Variants in COQ7 observed in about 807,000 individuals in gnomAD.
The protein encoded by COQ7 is NADPH-dependent 3-demethoxyubiquinone 3-hydroxylase, mitochondrial.
In COQ7, 21 loss-of-function variants were observed where a neutral mutation model predicts 25.0. The observed-to-expected ratio is 0.84, with a 90% CI of 0.60 to 1.21. The LOEUF is 1.21. Among genes scored for constraint, COQ7 ranks in the 50% most tolerant of loss-of-function variants. The pLI is 0.00. For missense variants in COQ7, 311 were observed against 296.2 expected (o/e 1.05, Z -0.37); for synonymous variants, 125 against 112.4 (o/e 1.11, Z -0.71).
Position 19,071,957 on chromosome 16 carries a change from C to G in COQ7, c.103C>G (p.Arg35Gly). 6.2e-7 allele frequency: 1 copy of G among 1,614,204 alleles called. No individual in the cohort carries two copies. The highest frequency in any genetic ancestry group is 8.5e-7 in the Non-Finnish European group (1 of 1,180,042). The stretch of plus-strand genomic sequence containing the variant: ...TGGAAGAAGAACCAGTGTCAGATTT[C>G]GCAGTTCAGGAATGACTTTAGACAA... ...AYGRRTSVRF[R>G]SSGMTLDNIS... is the part of the protein sequence containing the mutation. Residue 35 changes from arginine to glycine, a missense_variant, in exon 2 of 6, where the codon CGC becomes GGC. Transcript: ENST00000321998.
downstream of COQ7, among the ~76,000 whole-genome samples, chr16:19,082,022 A>C (rs190105310): frequency 7.5e-4 from 114 of 151,398 alleles, no homozygotes; most frequent in East Asian, 0.011. Context: ...ACTCCATCCC[A>C]AAAAAAAAGA....
chr16:19,070,497 C>G (rs1962499188), intron 1 of COQ7, among the ~76,000 whole-genome samples: 1 of 152,100 alleles, frequency 6.6e-6, no homozygotes, highest in East Asian at 1.9e-4. Flanking sequence ...CTTTGGGAAG[C>G]CAAGGTGGGA....
chr16:19,075,984 C>A, intron 4 of COQ7, 124 bp downstream of exon 4: 2 of 1,307,158 alleles, frequency 1.5e-6, no homozygotes, highest in Non-Finnish European at 1.1e-6. Context: ...CAGGTCAGTG[C>A]CTCAGTTTAA....
At position 19,067,645 on chromosome 16, in the gene COQ7, T is replaced by G. The variant is rs562636549; in HGVS notation, c.-20T>G. 54 of 1,613,478 alleles carry G rather than the reference T, an allele frequency of 3.3e-5. No individual in the cohort carries two copies. Among genetic ancestry groups the G allele is most frequent in the Non-Finnish European group, 4.6e-5 (54 of 1,179,672 alleles). ...GGCCAGTTCCGTTCAACGAAGTGGTTGCTTTTTTTAGTTCCGGCAATGAGT... is the reference window on the plus strand; with the variant it reads ...GGCCAGTTCCGTTCAACGAAGTGGTGGCTTTTTTTAGTTCCGGCAATGAGT... On this transcript the variant is annotated 5_prime_UTR_variant, in exon 1 of 6. Coordinates refer to ENST00000321998, the MANE Select transcript of COQ7 (RefSeq NM_016138.5).
chr16:19,071,937 G>T lies in COQ7; in HGVS notation c.83G>T (p.Arg28Ile). The change falls in exon 2 of 6, where the codon AGA (arginine) becomes ATA (isoleucine). Residue 28 changes from arginine to isoleucine, a missense_variant. Physicochemically the swap from Arg to Ile is moderately conservative, Grantham distance 97. Coordinates refer to ENST00000321998, the MANE Select transcript of COQ7 (RefSeq NM_016138.5). ...GARRSLSAYGRRTSVRFRSSG... is the reference protein window; with the variant it reads ...GARRSLSAYGIRTSVRFRSSG... ...AACACTTGCATTTCAGCTTATGGAA[G>T]AAGAACCAGTGTCAGATTTCGCAGT... The T allele has an allele frequency of 6.2e-7, 1 of 1,614,208 alleles. No individual in the cohort carries two copies. Among genetic ancestry groups the T allele is most frequent in the South Asian group, 1.1e-5 (1 of 91,090 alleles).
At position 19,075,937 on chromosome 16, in the gene COQ7, T is replaced by G. The variant is rs750004517; in HGVS notation, c.507+77T>G. The G allele has an allele frequency of 2.5e-6, 4 of 1,578,216 alleles. No homozygotes were observed. In the African/African-American group the frequency reaches 5.4e-5, roughly 21 times the overall value. On this transcript the variant is annotated intron_variant, in intron 4 of 5. Coordinates refer to ENST00000321998, the MANE Select transcript of COQ7 (RefSeq NM_016138.5). ...AGCAATTGGGTAAGAGGAAAACATG[T>G]TAGAGATTGTTAGGGGATGATGGGG...
At chr16:19,081,130 T>A (rs1963091236), downstream of COQ7, among the ~76,000 whole-genome samples, 1 of 152,214 alleles carries the variant, frequency 6.6e-6, no homozygotes, top group African/African-American at 2.4e-5. Flanking sequence ...AAAACTTTTA[T>A]TTTGAGCTAT....
chr16:19,072,091 C>T lies in COQ7; in HGVS notation c.237C>T (p.Val79=), dbSNP rs778887469. The change falls in exon 2 of 6, where the codon GTC becomes GTT. Residue 79 remains valine, a synonymous_variant. Transcript: ENST00000321998. ...GQMAVLGRTS[V]GPVIQKMWDQ... is the part of the protein sequence containing the mutation. The stretch of plus-strand genomic sequence containing the variant: ...TGGCTGTCCTGGGTCGGACCAGCGT[C>T]GGGCCAGTCATTCAGGTGGGTGCTT... The T allele has an allele frequency of 1.9e-6, 3 of 1,614,094 alleles. No homozygotes were observed. The highest frequency in any genetic ancestry group is 2.5e-6 in the Non-Finnish European group (3 of 1,180,014).
Position 19,067,705 on chromosome 16 carries a change from G to T in COQ7, c.41G>T (p.Arg14Leu). 1 of 1,608,098 alleles carries T rather than the reference G, an allele frequency of 6.2e-7. No individual in the cohort carries two copies. The highest frequency in any genetic ancestry group is 8.5e-7 in the Non-Finnish European group (1 of 1,178,194). ...AGAAAAPRLWRLRPGARRSLS... is the reference protein window; with the variant it reads ...AGAAAAPRLWLLRPGARRSLS... ...GCGGCGGCGGCTCCCCGCCTTTGGC[G>T]GCTGCGCCCGGGGGCCCGGCGGTCC... The change falls in exon 1 of 6, where the codon CGG (arginine) becomes CTG (leucine). Residue 14 changes from arginine (R) to leucine (L), a missense_variant. By Grantham distance (102) the Arg-to-Leu change is moderately radical. Coordinates refer to ENST00000321998, the MANE Select transcript of COQ7 (RefSeq NM_016138.5).
chr16:19,074,071 G>A, intron 3 of COQ7, 36 bp downstream of exon 3: 1 of 1,484,132 alleles, frequency 6.7e-7, no homozygotes, highest in Non-Finnish European at 9.3e-7. Flanking sequence ...TGCAAGCTTG[G>A]GGATCTAGGA....
chr16:19,070,615 T>C (rs1028713069), intron 1 of COQ7, among the ~76,000 whole-genome samples: 3 of 152,126 alleles, frequency 2.0e-5, no homozygotes, highest in African/African-American at 4.8e-5. Context: ...CTGCCTGTAG[T>C]CCTAGCTACT....
intron 1 of COQ7, 142 bp downstream of exon 1, chr16:19,067,879 C>T: frequency 2.0e-6 from 3 of 1,495,004 alleles, no homozygotes; most frequent in South Asian, 2.6e-5. Context: ...GTGACTTCGG[C>T]CTCCGGGGCG....
At chr16:19,076,171 C>T (rs1180136803) in intron 4 of COQ7, among the ~76,000 whole-genome samples, 1 of 151,846 alleles carries the variant, frequency 6.6e-6, no homozygotes, top group East Asian at 1.9e-4. Context: ...ACTGCATCTT[C>T]AAACTCTTGG....
At chr16:19,073,872 G>C in intron 2 of COQ7, 49 bp from the exon 3 acceptor site, 2 of 1,379,776 alleles carry the variant, frequency 1.4e-6, no homozygotes, top group Non-Finnish European at 2.0e-6. Context: ...GGATGAGTGG[G>C]AGGCCTCTAT....
At chr16:19,072,252 G>A (rs2142372151) in intron 2 of COQ7, 146 bp downstream of exon 2, 7 of 898,318 alleles carry the variant, frequency 7.8e-6, no homozygotes, top group South Asian at 3.5e-5. Context: ...GGTGGAGATG[G>A]GGAGCAAAAA....
At chr16:19,075,521 C>CG (rs377651929) in intron 3 of COQ7, among the ~76,000 whole-genome samples, 200 bp from the exon 4 acceptor site, 3 of 152,286 alleles carry the variant, frequency 2.0e-5, no homozygotes, top group African/African-American at 7.2e-5. Flanking sequence ...ATTGTCAAAA[C>CG]TTAGTTGGCA....
intron 3 of COQ7, among the ~76,000 whole-genome samples, chr16:19,074,741 G>A (rs73528966): frequency 0.011 from 1,646 of 152,096 alleles, 15 homozygotes; most frequent in Middle Eastern, 0.051. Flanking sequence ...ATGGGGTCTC[G>A]TTATGTTACC....
chr16:19,068,458 C>A, intron 1 of COQ7: 1 of 931,196 alleles, frequency 1.1e-6, no homozygotes, highest in Non-Finnish European at 1.3e-6. Context: ...TTGAGACCAG[C>A]CTGGCCAACA....
At chr16:19,080,570 A>G (rs1429544896), downstream of COQ7, among the ~76,000 whole-genome samples, 2 of 152,076 alleles carry the variant, frequency 1.3e-5, no homozygotes, top group East Asian at 1.9e-4. Flanking sequence ...TTTGGATGCC[A>G]TAGAGGGCCC....
Sources: gnomAD v4.1 joint callset for allele counts (sites outside exome capture counted in the v4.1 genomes callset) on GRCh38, gnomAD v4.1.1 for gene constraint, MANE v1.5 for transcripts, NCBI Gene and HGNC (gene_info 2026-07-23, HGNC 2026-07-21) for gene names.